ESRRG: variants seen among roughly 807,000 people sequenced by gnomAD.
ESRRG encodes estrogen-related receptor gamma.
ESRRG carries 13 observed loss-of-function variants against 44.0 expected under a neutral mutation model. The observed-to-expected ratio is 0.30, with a 90% CI of 0.19 to 0.47. The LOEUF (loss-of-function observed/expected upper bound fraction) is 0.47. ESRRG is among the 20% of genes least tolerant of loss of function. ESRRG has a pLI of 1.00. For missense variants in ESRRG, 395 were observed against 580.6 expected (o/e 0.68, Z 3.29); for synonymous variants, 215 against 214.6 (o/e 1.00, Z -0.02).
intron 3 of ESRRG, among the ~76,000 whole-genome samples, chr1:216,635,594 T>C (rs1021478493): frequency 7.9e-5 from 12 of 152,166 alleles, no homozygotes; most frequent in East Asian, 1.9e-4. Context: ...ATTCCATGGA[T>C]TCAAGGTCAT....
intron 2 of ESRRG, among the ~76,000 whole-genome samples, chr1:216,878,892 C>T (rs140694997): frequency 3.3e-4 from 50 of 152,204 alleles, no homozygotes; most frequent in African/African-American, 5.8e-4. Context: ...TTCAGATTTA[C>T]GCATCGTATT....
chr1:216,539,755 T>C (rs1355699401), intron 5 of ESRRG, among the ~76,000 whole-genome samples: 1 of 152,078 alleles, frequency 6.6e-6, no homozygotes, highest in African/African-American at 2.4e-5. Context: ...ATGCACAGCA[T>C]TAGCAGTGTA....
intron 2 of ESRRG, among the ~76,000 whole-genome samples, chr1:216,925,826 T>G (rs920152863): frequency 1.3e-5 from 2 of 151,990 alleles, no homozygotes; most frequent in African/African-American, 2.4e-5. Flanking sequence ...GGTGTACTCC[T>G]GTAATCCCAG....
chr1:216,786,664 C>A, intron 2 of ESRRG, among the ~76,000 whole-genome samples: 1 of 152,098 alleles, frequency 6.6e-6, no homozygotes, highest in Non-Finnish European at 1.5e-5. Context: ...AAGCAAATAA[C>A]AGAATGCGGG....
intron 2 of ESRRG, among the ~76,000 whole-genome samples, chr1:216,885,602 G>T (rs1202465561): frequency 6.6e-6 from 1 of 150,946 alleles, no homozygotes; most frequent in Non-Finnish European, 1.5e-5. Context: ...CAATCTTAAA[G>T]GTTTTTTTTT....
intron 3 of ESRRG, among the ~76,000 whole-genome samples, chr1:216,634,857 T>G (rs1314465971): frequency 1.3e-5 from 2 of 152,202 alleles, no homozygotes; most frequent in Non-Finnish European, 1.5e-5. Context: ...CCATTATACA[T>G]ACAGAAAAAG....
intron 1 of ESRRG, among the ~76,000 whole-genome samples, chr1:217,129,127 T>C (rs928184347): frequency 2.0e-5 from 3 of 152,068 alleles, no homozygotes; most frequent in Non-Finnish European, 4.4e-5. Context: ...TATAAAGAAC[T>C]CTTACAACTC....
chr1:216,764,165 T>C (rs1347029590), intron 2 of ESRRG, among the ~76,000 whole-genome samples: 1 of 137,304 alleles, frequency 7.3e-6, no homozygotes. Flanking sequence ...TTCAACAAAC[T>C]ACCTAATTGA....
chr1:216,743,848 C>T (rs553018308), intron 2 of ESRRG, among the ~76,000 whole-genome samples: 6 of 152,302 alleles, frequency 3.9e-5, no homozygotes, highest in African/African-American at 1.2e-4. Flanking sequence ...TCTAATTTTA[C>T]TGATTAGGAA....
chr1:217,124,725 AG>A (rs1451955139), intron 1 of ESRRG, among the ~76,000 whole-genome samples: 2 of 152,218 alleles, frequency 1.3e-5, no homozygotes, highest in African/African-American at 4.8e-5. Context: ...AATCGGGCTT[AG>A]GTAGCTCACT....
rs576192344 is a variant in ESRRG at position 217,119,396 on chromosome 1, T to C, written c.-230+18271A>G. ...AACATTAATCCCTTCAGGTACATGA[T>C]GTGAAAATAATCCAACAATGGACCA... On this transcript the variant is annotated intron_variant, in intron 1 of 8. Transcript: ENST00000366940. 5.1e-4 allele frequency among the ~76,000 whole-genome samples: 78 copies of C among 152,342 alleles called. No homozygotes were observed. The Middle Eastern group carries it at 0.01, about 20-fold the overall frequency.
chr1:216,680,883 T>G (rs900906228), intron 1 of ESRRG, among the ~76,000 whole-genome samples: 1 of 152,182 alleles, frequency 6.6e-6, no homozygotes, highest in Non-Finnish European at 1.5e-5. Flanking sequence ...AAATTCACAT[T>G]AACTCTAAGA....
intron 1 of ESRRG, among the ~76,000 whole-genome samples, chr1:217,137,198 A>G (rs1427432208): frequency 6.6e-6 from 1 of 152,178 alleles, no homozygotes; most frequent in Non-Finnish European, 1.5e-5. Context: ...GGCAAAAACC[A>G]AACAGGGTCC....
At chr1:216,944,861 C>T (rs2065819859) in intron 1 of ESRRG, among the ~76,000 whole-genome samples, 1 of 152,076 alleles carries the variant, frequency 6.6e-6, no homozygotes, top group Non-Finnish European at 1.5e-5. Flanking sequence ...AGTATTAGAA[C>T]CTACAGGAAC....
At chr1:216,744,150 G>A (rs2091099121) in intron 2 of ESRRG, among the ~76,000 whole-genome samples, 1 of 152,120 alleles carries the variant, frequency 6.6e-6, no homozygotes, top group African/African-American at 2.4e-5. Context: ...GGTGGATAAG[G>A]AACCATGAGG....
At chr1:216,610,676 T>C (rs1167959717) in intron 3 of ESRRG, among the ~76,000 whole-genome samples, 1 of 145,018 alleles carries the variant, frequency 6.9e-6, no homozygotes, top group Non-Finnish European at 1.5e-5. Context: ...AGAAAAAAAT[T>C]GTGTGTGTGT....
At chr1:216,769,901 T>C (rs375999052) in intron 2 of ESRRG, among the ~76,000 whole-genome samples, 25 of 152,172 alleles carry the variant, frequency 1.6e-4, no homozygotes, top group African/African-American at 6.0e-4. Flanking sequence ...TGCACAGAGA[T>C]GGTGGGTAGA....
chr1:217,100,979 ATCAT>A (rs1299569760), intron 1 of ESRRG, among the ~76,000 whole-genome samples: 12 of 152,190 alleles, frequency 7.9e-5, no homozygotes, highest in African/African-American at 2.9e-4. Context: ...CTAACATCTA[ATCAT>A]TCATTCACTG....
intron 1 of ESRRG, among the ~76,000 whole-genome samples, chr1:217,132,138 A>G (rs2092975105): frequency 6.6e-6 from 1 of 152,196 alleles, no homozygotes; most frequent in South Asian, 2.1e-4. Flanking sequence ...CATTGCCTTC[A>G]TCTGTCCATG....
Sources: allele counts gnomAD v4.1 joint callset (sites outside exome capture counted in the v4.1 genomes callset), GRCh38; gene constraint gnomAD v4.1.1; transcripts MANE v1.5; gene names NCBI Gene and HGNC (gene_info 2026-07-23, HGNC 2026-07-21).